PKHD1: variants seen among roughly 807,000 people sequenced by gnomAD.
PKHD1 encodes the protein fibrocystin.
A neutral mutation model predicts 412.0 loss-of-function variants in PKHD1; 291 were observed. The ratio of observed to expected loss-of-function variants is 0.71; its 90% CI spans 0.64 to 0.78. The LOEUF is 0.78. Among genes scored for constraint, PKHD1 ranks in the 30% least tolerant of loss-of-function variants. PKHD1 has a pLI of 0.00. For missense variants in PKHD1, 4,825 were observed against 4,950.7 expected (o/e 0.97, Z 0.76); for synonymous variants, 1,777 against 1,821.5 (o/e 0.98, Z 0.62).
chr6:52,054,198 T>C (rs1807340088), intron 19 of PKHD1, 33 bp from the exon 20 acceptor site: 2 of 1,610,382 alleles, frequency 1.2e-6, no homozygotes, highest in South Asian at 2.2e-5. Context: ...TCAGTTCTAT[T>C]AGTGCAAGAA....
chr6:52,029,259 C>A (rs779199160), intron 29 of PKHD1, among the ~76,000 whole-genome samples: 1 of 152,142 alleles, frequency 6.6e-6, no homozygotes, highest in Non-Finnish European at 1.5e-5. Flanking sequence ...TGAGCCCAGT[C>A]TTTTGTCTTG....
At chr6:51,652,086 C>T (rs1253449778) in intron 61 of PKHD1, among the ~76,000 whole-genome samples, 2 of 152,152 alleles carry the variant, frequency 1.3e-5, no homozygotes, top group Non-Finnish European at 2.9e-5. Context: ...GCAGAAGGAC[C>T]TACAGCCAAA....
At chr6:51,855,229 C>T (rs995205094) in intron 49 of PKHD1, among the ~76,000 whole-genome samples, 7 of 152,228 alleles carry the variant, frequency 4.6e-5, no homozygotes, top group African/African-American at 1.7e-4. Context: ...CTCCGTGGGT[C>T]ACGCCAGCCT....
chr6:51,715,517 T>G (rs1781152403), intron 60 of PKHD1, among the ~76,000 whole-genome samples: 1 of 152,160 alleles, frequency 6.6e-6, no homozygotes, highest in Admixed American at 6.5e-5. Context: ...AGCAAAGTAT[T>G]GAGAACAACC....
chr6:51,622,892 CTTTTA>C (rs1175669883), intron 66 of PKHD1: 1 of 151,930 alleles, frequency 6.6e-6, no homozygotes, highest in African/African-American at 2.4e-5. Context: ...TTTATATTTA[CTTTTA>C]TTTTCTCTTT....
chr6:51,760,418 C>G (rs901160494), intron 55 of PKHD1, among the ~76,000 whole-genome samples: 2 of 152,044 alleles, frequency 1.3e-5, no homozygotes, highest in African/African-American at 2.4e-5. Context: ...TAGTGTTATG[C>G]TTTTCTTAAA....
chr6:51,855,511 A>AT (rs1192111687), intron 49 of PKHD1, among the ~76,000 whole-genome samples: 3 of 152,124 alleles, frequency 2.0e-5, no homozygotes, highest in Non-Finnish European at 2.9e-5. Context: ...TTGGTAAGGC[A>AT]TTTTCTCTGG....
At chr6:52,056,473 C>A (rs970931139) in intron 18 of PKHD1, among the ~76,000 whole-genome samples, 2 of 152,068 alleles carry the variant, frequency 1.3e-5, no homozygotes, top group Non-Finnish European at 2.9e-5. Context: ...CTCTACCTAA[C>A]AGCCCAGGAG....
intron 35 of PKHD1, among the ~76,000 whole-genome samples, chr6:51,997,967 GA>G (rs1797894909): frequency 6.6e-6 from 1 of 152,146 alleles, no homozygotes; most frequent in Admixed American, 6.5e-5. Flanking sequence ...ACTAATTAAA[GA>G]CACCATGTGG....
chr6:51,929,712 A>AT (rs1786279274), intron 37 of PKHD1, among the ~76,000 whole-genome samples: 1 of 152,218 alleles, frequency 6.6e-6, no homozygotes, highest in Non-Finnish European at 1.5e-5. Context: ...AAAACAAACC[A>AT]TATCTAAGCT....
chr6:52,054,237 A>C, intron 19 of PKHD1, 72 bp from the exon 20 acceptor site: 1 of 1,467,864 alleles, frequency 6.8e-7, no homozygotes, highest in South Asian at 1.1e-5. Context: ...CGTAGTGAGG[A>C]GTCCACATCC....
intron 35 of PKHD1, among the ~76,000 whole-genome samples, chr6:51,999,523 T>C (rs974236849): frequency 6.6e-6 from 1 of 152,226 alleles, no homozygotes; most frequent in African/African-American, 2.4e-5. Flanking sequence ...CTAATAAAGA[T>C]GTGCATGTTA....
intron 60 of PKHD1, among the ~76,000 whole-genome samples, chr6:51,700,300 C>A (rs531317657): frequency 1.4e-4 from 22 of 152,032 alleles, no homozygotes; most frequent in Middle Eastern, 3.4e-3. Context: ...TATCAAAATT[C>A]TTTTGATAAA....
At position 52,055,612 on chromosome 6, in the gene PKHD1, C is replaced by G; in HGVS notation, c.1811G>C (p.Gly604Ala). 6.2e-7 allele frequency: 1 copy of G among 1,613,978 alleles called. No homozygotes were observed. Among genetic ancestry groups the G allele is most frequent in the African/African-American group, 1.3e-5 (1 of 75,010 alleles). The change falls in exon 19 of 67, where the codon GGC (glycine) becomes GCC (alanine). Residue 604 changes from glycine to alanine, a missense_variant. Gly to Ala is a moderately conservative substitution (Grantham distance 60). Transcript: ENST00000371117. ...GTGTGTATACTGATCTAGCCGATAG[C>G]CCTTCTGGGCAGCCGGGGGAGTAAG... Reference protein sequence around the residue: ...LVLTPPAAQKGYRLDQYTHLC... With the variant: ...LVLTPPAAQKAYRLDQYTHLC...
At chr6:51,819,989 C>T (rs1292030704) in intron 52 of PKHD1, among the ~76,000 whole-genome samples, 1 of 152,156 alleles carries the variant, frequency 6.6e-6, no homozygotes, top group Non-Finnish European at 1.5e-5. Flanking sequence ...TTTTAACGTA[C>T]TTGCAGATAA....
At chr6:51,892,491 T>C (rs1779262183) in intron 43 of PKHD1, among the ~76,000 whole-genome samples, 1 of 152,194 alleles carries the variant, frequency 6.6e-6, no homozygotes, top group South Asian at 2.1e-4. Flanking sequence ...ATACCAGGGA[T>C]GCTGTTATAC....
At chr6:52,002,499 G>A (rs1798557169) in intron 35 of PKHD1, among the ~76,000 whole-genome samples, 1 of 152,162 alleles carries the variant, frequency 6.6e-6, no homozygotes, top group African/African-American at 2.4e-5. Context: ...AGAAAATACA[G>A]GCACAAGGGA....
intron 35 of PKHD1, among the ~76,000 whole-genome samples, chr6:52,000,550 T>A (rs910511588): frequency 7.2e-5 from 11 of 152,208 alleles, no homozygotes; most frequent in Non-Finnish European, 1.0e-4. Context: ...AAATAAATAA[T>A]CATGTCACAT....
At chr6:51,837,551 C>T (rs1251004727) in intron 50 of PKHD1, among the ~76,000 whole-genome samples, 1 of 151,882 alleles carries the variant, frequency 6.6e-6, no homozygotes, top group East Asian at 1.9e-4. Context: ...ACTAAAAACA[C>T]AAAAACTAGC....
Sources: gnomAD v4.1 joint callset for allele counts (sites outside exome capture counted in the v4.1 genomes callset) on GRCh38, gnomAD v4.1.1 for gene constraint, MANE v1.5 for transcripts, NCBI Gene and HGNC (gene_info 2026-07-23, HGNC 2026-07-21) for gene names.